The following P4HA3 variants were observed in gnomAD, a reference collection of about 807,000 sequenced individuals.
P4HA3 encodes prolyl 4-hydroxylase subunit alpha-3.
A neutral mutation model predicts 66.7 loss-of-function variants in P4HA3; 60 were observed. The observed-to-expected ratio is 0.90, with a 90% confidence interval of 0.73 to 1.12. P4HA3 has a LOEUF of 1.12. Ranked by LOEUF, P4HA3 falls within the 50% of genes most tolerant of loss-of-function variation. P4HA3 has a pLI of 0.00. For synonymous variants in P4HA3, 263 were observed against 274.6 expected (o/e 0.96, Z 0.42); for missense variants, 683 against 685.8 (o/e 1.00, Z 0.05).
At chr11:74,271,616 C>T (rs1020539527) in intron 10 of P4HA3, among the ~76,000 whole-genome samples, 1 of 151,982 alleles carries the variant, frequency 6.6e-6, no homozygotes, top group Non-Finnish European at 1.5e-5. Flanking sequence ...CTTGCTTGAG[C>T]CTGCCAAGTA....
At chr11:74,278,551 T>C (rs1860478628) in intron 8 of P4HA3, among the ~76,000 whole-genome samples, 2 of 152,136 alleles carry the variant, frequency 1.3e-5, no homozygotes, top group African/African-American at 4.8e-5. Flanking sequence ...AAGAAAGTAG[T>C]TTCTTGTTCG....
chr11:74,289,156 A>C, intron 4 of P4HA3, 26 bp from the exon 5 acceptor site: 4 of 1,549,006 alleles, frequency 2.6e-6, no homozygotes, highest in Non-Finnish European at 3.5e-6. Flanking sequence ...AAAAGAAAAG[A>C]AAGCATTAAC....
At chr11:74,290,359 A>G (rs1860970086) in intron 4 of P4HA3, among the ~76,000 whole-genome samples, 1 of 151,232 alleles carries the variant, frequency 6.6e-6, no homozygotes, top group African/African-American at 2.4e-5. Context: ...TTGTCAGATG[A>G]GTAGGTTGCG....
intron 3 of P4HA3, among the ~76,000 whole-genome samples, chr11:74,298,969 G>C (rs7937270): frequency 0.013 from 2,034 of 152,326 alleles, 41 homozygotes; most frequent in African/African-American, 0.047. Context: ...GCAATGTGAA[G>C]AATGGATTAC....
intron 15 of P4HA3, chr11:74,256,007 TTCA>T (rs1484019144): frequency 4.1e-6 from 2 of 491,708 alleles, no homozygotes; most frequent in East Asian, 5.6e-5. Context: ...GGCACTCAGG[TTCA>T]TCAGGTTCAC....
At chr11:74,287,862 T>C (rs1330837687) in intron 5 of P4HA3, among the ~76,000 whole-genome samples, 1 of 151,894 alleles carries the variant, frequency 6.6e-6, no homozygotes, top group Non-Finnish European at 1.5e-5. Context: ...GCTAAAAATA[T>C]AAAAATTAGC....
intron 9 of P4HA3, among the ~76,000 whole-genome samples, chr11:74,275,462 C>T (rs1007888535): frequency 6.6e-6 from 1 of 152,078 alleles, no homozygotes; most frequent in Non-Finnish European, 1.5e-5. Context: ...TCCTTGGCAC[C>T]TTTGTCAAAA....
chr11:74,259,802 A>G (rs1299409650), intron 15 of P4HA3: 2 of 152,240 alleles, frequency 1.3e-5, no homozygotes, highest in Non-Finnish European at 2.9e-5. Flanking sequence ...TGCATATTCC[A>G]TATTTTGTTT....
At chr11:74,253,706 C>G in intron 15 of P4HA3, 1 of 644,082 alleles carries the variant, frequency 1.6e-6, no homozygotes, top group South Asian at 1.9e-5. Flanking sequence ...CCTTGACCAA[C>G]ATCGGCTTCC....
At chr11:74,289,028 G>T in intron 5 of P4HA3, 51 bp downstream of exon 5, 1 of 1,341,250 alleles carries the variant, frequency 7.5e-7, no homozygotes, top group Non-Finnish European at 9.9e-7. Flanking sequence ...GCAGAAGGGA[G>T]TTCCCCGTAA....
rs1174863707 is a variant in P4HA3, at chr11:74,311,422, C to A, written c.190G>T (p.Asp64Tyr). Residue 64 changes from aspartate to tyrosine, a missense_variant, in exon 1 of 13, where the codon GAC (aspartate) becomes TAC (tyrosine). By Grantham distance (160) the Asp-to-Tyr change is radical. Transcript: ENST00000331597. ...YLRGEEARLR[D>Y]LTRFYDKVLS... ...TCGTCGTGCCCTCACCTAGTCAGGTCCCGCAGCCGCGCCTCCTCCCCGCGC... is the reference window on the plus strand; with the variant it reads ...TCGTCGTGCCCTCACCTAGTCAGGTACCGCAGCCGCGCCTCCTCCCCGCGC... 5.2e-6 allele frequency: 8 copies of A among 1,528,628 alleles called. No homozygotes were observed. The highest frequency in any genetic ancestry group is 7.0e-6 in the Non-Finnish European group (8 of 1,145,292). 94.7% of individuals were successfully genotyped at this position (1,528,628 alleles called of 1,614,324 possible).
intron 3 of P4HA3, 25 bp downstream of exon 3, chr11:74,302,344 T>C (rs764351919): frequency 1.6e-5 from 25 of 1,580,584 alleles, no homozygotes; most frequent in Non-Finnish European, 1.6e-5. Flanking sequence ...AGCCAAGCAA[T>C]TGGCCCTCTC....
intron 3 of P4HA3, among the ~76,000 whole-genome samples, chr11:74,300,880 C>T (rs1353191030): frequency 6.6e-6 from 1 of 152,148 alleles, no homozygotes; most frequent in African/African-American, 2.4e-5. Context: ...AATCTGTCAA[C>T]AGGAGACTGG....
chr11:74,276,789 G>C lies in P4HA3; in HGVS notation c.1335+196C>G, dbSNP rs543943328. Among the ~76,000 whole-genome samples the C allele has an allele frequency of 1.0e-3, 154 of 152,276 alleles. 1 individual carries two copies. Among genetic ancestry groups the C allele is most frequent in the Admixed American group, 9.9e-3 (152 of 15,294 alleles). The stretch of plus-strand genomic sequence containing the variant: ...TCCCTCACCAGCAAATTTTAGAAGG[G>C]AGATGGTGGCAGACAAGAAAATGAG... On this transcript the variant is annotated intron_variant, in intron 9 of 12. Coordinates refer to ENST00000331597, the MANE Select transcript of P4HA3 (RefSeq NM_182904.5).
In P4HA3 at chr11:74,256,367, CCATT is replaced by C. The variant is rs562648580; in HGVS notation, c.*1318+3552_*1318+3555del. 2.2e-3 allele frequency among the ~76,000 whole-genome samples: 339 copies of C among 152,290 alleles called. 1 individual carries two copies. Among genetic ancestry groups the C allele is most frequent in the African/African-American group, 7.9e-3 (328 of 41,548 alleles). On this transcript the variant is annotated intron_variant and NMD_transcript_variant, in intron 15 of 15. Transcript: ENST00000524388. The stretch of plus-strand genomic sequence containing the variant: ...GGTTGTGTTTTAGGCACTTTCATCT[CCATT>C]CATCCTTTGTATCCTTGTGAAGTAC...
intron 7 of P4HA3, among the ~76,000 whole-genome samples, chr11:74,282,826 C>T (rs1404464342): frequency 6.6e-6 from 1 of 152,140 alleles, no homozygotes; most frequent in African/African-American, 2.4e-5. Flanking sequence ...AAGTACCAAA[C>T]AACCAGTGAG....
chr11:74,263,884 A>C (rs961734668), downstream of P4HA3, among the ~76,000 whole-genome samples: 1 of 152,252 alleles, frequency 6.6e-6, no homozygotes, highest in East Asian at 1.9e-4. Flanking sequence ...AGCACTTTGG[A>C]GGCTGAGGCG....
At chr11:74,252,487 T>G (rs1472639711) in intron 15 of P4HA3, 1 of 456,804 alleles carries the variant, frequency 2.2e-6, no homozygotes, top group East Asian at 6.9e-5. Flanking sequence ...CTGCCAGGCT[T>G]GCTTCCCCTC....
intron 8 of P4HA3, among the ~76,000 whole-genome samples, chr11:74,277,389 G>A (rs1419279969): frequency 6.6e-6 from 1 of 152,162 alleles, no homozygotes; most frequent in Non-Finnish European, 1.5e-5. Context: ...GATACAAAGA[G>A]GAATAAGACA....
Sources: allele counts gnomAD v4.1 joint callset (sites outside exome capture counted in the v4.1 genomes callset), GRCh38; gene constraint gnomAD v4.1.1; transcripts MANE v1.5; gene names NCBI Gene and HGNC (gene_info 2026-07-23, HGNC 2026-07-21).